Variants in CABLES1 observed in about 807,000 individuals in gnomAD.
CABLES1 encodes CDK5 and ABL1 enzyme substrate 1.
CABLES1 carries 36 observed loss-of-function variants against 57.8 expected under a neutral mutation model. That is an observed-to-expected ratio of 0.62 (90% CI 0.48 to 0.82). CABLES1 has a LOEUF of 0.82. CABLES1 is among the 40% of genes least tolerant of loss of function. The pLI is 0.00. For synonymous variants in CABLES1, 374 were observed against 363.0 expected (o/e 1.03, Z -0.35); for missense variants, 767 against 836.6 (o/e 0.92, Z 1.03).
At chr18:23,151,749 A>G (rs2046932140) in intron 1 of CABLES1, among the ~76,000 whole-genome samples, 1 of 152,194 alleles carries the variant, frequency 6.6e-6, no homozygotes, top group Non-Finnish European at 1.5e-5. Flanking sequence ...GTGGACAGGT[A>G]TCAAGGACTT....
chr18:23,188,573 G>A (rs1217158426), intron 1 of CABLES1, among the ~76,000 whole-genome samples: 2 of 152,036 alleles, frequency 1.3e-5, no homozygotes, highest in African/African-American at 2.4e-5. Context: ...GTGTCCTTGG[G>A]GGAAGTGTCA....
At chr18:23,199,379 T>A (rs1216043353) in intron 3 of CABLES1, among the ~76,000 whole-genome samples, 1 of 152,002 alleles carries the variant, frequency 6.6e-6, no homozygotes, top group Non-Finnish European at 1.5e-5. Flanking sequence ...AGAATTGAAA[T>A]AGGTATTCAG....
At position 23,135,851 on chromosome 18, in the gene CABLES1, A is replaced by C. The variant is rs989185111; in HGVS notation, c.89A>C (p.Gln30Pro). Residue 30 changes from glutamine to proline, a missense_variant, in exon 1 of 10, where the codon CAG (glutamine) becomes CCG (proline). By Grantham distance (76) the Gln-to-Pro change is moderately conservative. Coordinates refer to ENST00000256925, the MANE Select transcript of CABLES1 (RefSeq NM_001100619.3). ...GCCGCGGGCGCCAGCGGATTGCAGC[A>C]GCCGCCGCCGCAGCCCCAGCCTCAG... ...TDAAGASGLQ[Q>P]PPPQPQPQPA... The C allele has an allele frequency of 1.6e-5, 16 of 990,640 alleles. No individual in the cohort carries two copies. Among genetic ancestry groups the C allele is most frequent in the Middle Eastern group, 4.9e-4 (1 of 2,034 alleles). The allele number at this position is 990,640 out of a possible 1,614,324, so 61.4% of individuals were successfully genotyped here. A position where few individuals can be genotyped will look rare whatever the true frequency, so the allele number is the denominator to read the frequency against.
chr18:23,184,849 G>A (rs977983502), intron 1 of CABLES1, among the ~76,000 whole-genome samples: 2 of 152,204 alleles, frequency 1.3e-5, no homozygotes, highest in Admixed American at 1.3e-4. Flanking sequence ...TCACATGGCA[G>A]AAAGGGAGCT....
chr18:23,231,675 T>C (rs2047568026), intron 4 of CABLES1, among the ~76,000 whole-genome samples: 1 of 152,200 alleles, frequency 6.6e-6, no homozygotes, highest in African/African-American at 2.4e-5. Context: ...GACAATCCAC[T>C]GGAATCCCTG....
intron 7 of CABLES1, among the ~76,000 whole-genome samples, chr18:23,240,204 G>A (rs958801238): frequency 2.0e-5 from 3 of 152,168 alleles, no homozygotes; most frequent in African/African-American, 7.2e-5. Flanking sequence ...AGACTTCCCC[G>A]AGGAATGGCA....
Position 23,236,024 on chromosome 18 carries a change from A to G in CABLES1, c.1315A>G (p.Ser439Gly), listed in dbSNP as rs1202235748. ...CCGCAGCCTCTCCATAGGCCGGGCA[A>G]GCGGCACCCAGGGGAGCCTCGACAC... ...SHRSLSIGRASGTQGSLDTGS... is the reference protein window; with the variant it reads ...SHRSLSIGRAGGTQGSLDTGS... Residue 439 changes from serine (S) to glycine (G), a missense_variant, in exon 6 of 10, where the codon AGC (serine) becomes GGC (glycine). This residue lies in a region of CABLES1 where 529 missense variants were observed against 622.8 expected (regional missense o/e 0.85). Transcript: ENST00000256925. 3 of 1,614,066 alleles carry G rather than the reference A, an allele frequency of 1.9e-6. No individual in the cohort carries two copies. The highest frequency in any genetic ancestry group is 1.7e-6 in the Non-Finnish European group (2 of 1,180,036).
intron 1 of CABLES1, among the ~76,000 whole-genome samples, chr18:23,137,715 G>A (rs1449634094): frequency 6.6e-6 from 1 of 152,172 alleles, no homozygotes; most frequent in African/African-American, 2.4e-5. Flanking sequence ...GGACAAATGG[G>A]GGAAGAACAG....
At chr18:23,221,740 G>GC (rs901103413) in intron 4 of CABLES1, among the ~76,000 whole-genome samples, 17 of 152,288 alleles carry the variant, frequency 1.1e-4, no homozygotes, top group Admixed American at 3.3e-4. Flanking sequence ...CAGAACCTAG[G>GC]CCCCCTGTGG....
intron 1 of CABLES1, among the ~76,000 whole-genome samples, chr18:23,165,532 C>T (rs192596158): frequency 5.7e-4 from 87 of 151,754 alleles, no homozygotes; most frequent in Non-Finnish European, 7.7e-4. Context: ...TTCCTCCTGC[C>T]CCCCCAGTCC....
intron 1 of CABLES1, among the ~76,000 whole-genome samples, chr18:23,155,484 G>A (rs1470069941): frequency 6.6e-6 from 1 of 152,200 alleles, no homozygotes; most frequent in African/African-American, 2.4e-5. Flanking sequence ...GCAATTAACA[G>A]AAGATGCCCA....
At chr18:23,221,667 G>C (rs992958219) in intron 4 of CABLES1, among the ~76,000 whole-genome samples, 5 of 152,212 alleles carry the variant, frequency 3.3e-5, no homozygotes, top group African/African-American at 1.2e-4. Flanking sequence ...AGGCTTGCCA[G>C]AAGTTCTGAT....
At chr18:23,247,111 C>T (rs1215586280) in intron 7 of CABLES1, among the ~76,000 whole-genome samples, 5 of 152,220 alleles carry the variant, frequency 3.3e-5, no homozygotes, top group African/African-American at 9.6e-5. Flanking sequence ...ATCCCACTGC[C>T]GTGGCTCAAT....
chr18:23,245,426 G>T (rs1269325949), intron 7 of CABLES1, among the ~76,000 whole-genome samples: 2 of 151,342 alleles, frequency 1.3e-5, no homozygotes, highest in South Asian at 4.2e-4. Flanking sequence ...CACGAGAATC[G>T]CTTGAACCCG....
intron 1 of CABLES1, among the ~76,000 whole-genome samples, chr18:23,156,222 C>A (rs1022036167): frequency 6.6e-6 from 1 of 152,210 alleles, no homozygotes; most frequent in East Asian, 1.9e-4. Context: ...GGGCCATAGG[C>A]TCTCACATGG....
intron 1 of CABLES1, among the ~76,000 whole-genome samples, chr18:23,148,471 T>G (rs1598798542): frequency 6.6e-6 from 1 of 152,282 alleles, no homozygotes; most frequent in East Asian, 1.9e-4. Context: ...TAAACAGAGT[T>G]GGGTCTTTGT....
intron 1 of CABLES1, among the ~76,000 whole-genome samples, chr18:23,165,003 A>T (rs1459328158): frequency 1.3e-5 from 2 of 151,914 alleles, no homozygotes; most frequent in African/African-American, 4.8e-5. Context: ...GAACTCCTGA[A>T]CTCAGGTGAT....
At chr18:23,142,040 G>A (rs1409011889) in intron 1 of CABLES1, among the ~76,000 whole-genome samples, 2 of 152,062 alleles carry the variant, frequency 1.3e-5, no homozygotes, top group Non-Finnish European at 1.5e-5. Flanking sequence ...GGAACTCAGC[G>A]GTTGGGACAG....
At chr18:23,189,099 C>G in intron 2 of CABLES1, 190 bp downstream of exon 2, 1 of 535,140 alleles carries the variant, frequency 1.9e-6, no homozygotes, top group South Asian at 2.4e-5. Context: ...ACGTTAAATC[C>G]AATTAGGTGT....
Sources: gnomAD v4.1 joint callset for allele counts (sites outside exome capture counted in the v4.1 genomes callset) on GRCh38, gnomAD v4.1.1 for gene constraint, gnomAD v4.1.1 regional missense constraint, MANE v1.5 for transcripts, NCBI Gene and HGNC (gene_info 2026-07-23, HGNC 2026-07-21) for gene names.